Variants in MAGI2 observed in about 807,000 individuals in gnomAD.
MAGI2 encodes membrane-associated guanylate kinase, WW and PDZ domain-containing protein 2.
A neutral mutation model predicts 133.3 loss-of-function variants in MAGI2; 35 were observed. That is an observed-to-expected ratio of 0.26 (90% CI 0.20 to 0.35). The LOEUF is 0.35. Among genes scored for constraint, MAGI2 ranks in the 10% least tolerant of loss-of-function variants. The pLI is 1.00. For synonymous variants in MAGI2, 729 were observed against 710.6 expected, an observed-to-expected ratio of 1.03 and a Z score of -0.41; for missense variants, 1,636 against 1,863.4, an observed-to-expected ratio of 0.88 and a Z score of 2.25.
At chr7:78,739,707 G>A (rs1269384368) in intron 2 of MAGI2, among the ~76,000 whole-genome samples, 6 of 152,132 alleles carry the variant, frequency 3.9e-5, no homozygotes, top group Non-Finnish European at 7.3e-5. Context: ...CCTCGTGAAA[G>A]CAATTTCTTA....
chr7:78,364,462 A>G (rs1322009723), intron 7 of MAGI2, among the ~76,000 whole-genome samples: 1 of 152,226 alleles, frequency 6.6e-6, no homozygotes, highest in African/African-American at 2.4e-5. Flanking sequence ...CATTCAAGAT[A>G]TTATGCAGTA....
rs550547664 is a variant in MAGI2, at chr7:78,053,338, T to C, written c.3706+25609A>G. Among the ~76,000 whole-genome samples the C allele has an allele frequency of 1.4e-4, 22 of 152,316 alleles. No homozygotes were observed. In the East Asian group the frequency reaches 4.2e-3, roughly 29 times the overall value. ...GTCAGATGTGTAGGTGAGGAGACCC[T>C]TAATATAGAAGCTGTCCCAGGACTG... On this transcript the variant is annotated intron_variant, in intron 21 of 21. Transcript: ENST00000354212.
chr7:78,242,272 G>T (rs1317042686), intron 10 of MAGI2, among the ~76,000 whole-genome samples: 2 of 152,168 alleles, frequency 1.3e-5, no homozygotes, highest in Non-Finnish European at 2.9e-5. Context: ...GTTAGAGAGA[G>T]GACCCAGAGA....
chr7:78,155,126 TAA>T (rs747817135), intron 16 of MAGI2, among the ~76,000 whole-genome samples: 2 of 152,254 alleles, frequency 1.3e-5, no homozygotes, highest in Non-Finnish European at 2.9e-5. Context: ...ATTTTGCATA[TAA>T]GTCTTTGTTC....
chr7:79,400,502 A>T lies in MAGI2; in HGVS notation c.301+52518T>A, dbSNP rs112199030. Among the ~76,000 whole-genome samples, 2 of 152,300 alleles carry T rather than the reference A, an allele frequency of 1.3e-5. 1 individual carries two copies. Among genetic ancestry groups the T allele is most frequent in the Admixed American group, 1.3e-4 (2 of 15,312 alleles). On this transcript the variant is annotated intron_variant, in intron 1 of 21. Coordinates refer to ENST00000354212, the MANE Select transcript of MAGI2 (RefSeq NM_012301.4). The stretch of plus-strand genomic sequence containing the variant: ...AGTTAACATATACTCCAAGGAATAG[A>T]TGTACAGAACAGCAGCATAATAAAA...
At chr7:78,115,542 TATA>T (rs1214845492) in intron 20 of MAGI2, among the ~76,000 whole-genome samples, 7 of 152,166 alleles carry the variant, frequency 4.6e-5, no homozygotes, top group Non-Finnish European at 1.0e-4. Context: ...CTAGCATGCT[TATA>T]ATAATATCAG....
intron 9 of MAGI2, among the ~76,000 whole-genome samples, chr7:78,296,258 C>T (rs1584767328): frequency 6.6e-6 from 1 of 152,188 alleles, no homozygotes; most frequent in Non-Finnish European, 1.5e-5. Context: ...TGAGGTCCTA[C>T]ATAAACAGAG....
At chr7:78,616,360 C>T (rs1037206693) in intron 3 of MAGI2, 2 of 151,782 alleles carry the variant, frequency 1.3e-5, no homozygotes, top group African/African-American at 4.8e-5. Flanking sequence ...AAAAAGAGAA[C>T]ATGAAAAAAG....
At chr7:78,796,429 A>C (rs915585019) in intron 2 of MAGI2, among the ~76,000 whole-genome samples, 3 of 152,144 alleles carry the variant, frequency 2.0e-5, no homozygotes, top group African/African-American at 7.2e-5. Context: ...CAAAACCACA[A>C]TGGGATATCA....
chr7:78,412,819 A>G (rs2151381251), intron 6 of MAGI2, among the ~76,000 whole-genome samples: 2 of 152,182 alleles, frequency 1.3e-5, no homozygotes. Context: ...AAGACCTCCT[A>G]TTTGGAGAAA....
intron 1 of MAGI2, among the ~76,000 whole-genome samples, chr7:79,169,162 G>C (rs1825275260): frequency 6.6e-6 from 1 of 151,854 alleles, no homozygotes; most frequent in South Asian, 2.1e-4. Flanking sequence ...CCCTTTGCAA[G>C]CTCCTTTGCT....
intron 1 of MAGI2, among the ~76,000 whole-genome samples, chr7:79,170,835 C>T (rs931286343): frequency 6.6e-6 from 1 of 151,974 alleles, no homozygotes; most frequent in African/African-American, 2.4e-5. Flanking sequence ...AAATAAAACT[C>T]ATGGAAAGAA....
chr7:78,615,262 A>G lies in MAGI2; in HGVS notation c.538+11858T>C, dbSNP rs116414942. 2.6e-3 allele frequency: 389 copies of G among 152,252 alleles called. 1 individual carries two copies. Among genetic ancestry groups the G allele is most frequent in the African/African-American group, 8.8e-3 (364 of 41,534 alleles). 9.4% of individuals were successfully genotyped at this position (152,252 alleles called of 1,614,324 possible). On this transcript the variant is annotated intron_variant, in intron 3 of 21. Transcript: ENST00000354212. Reference sequence around the variant, plus strand: ...AGAAGGGAGAAGTTAAAATTATCTAACCTGTATACACTCTTTGAAAATTAG... The same window carrying G: ...AGAAGGGAGAAGTTAAAATTATCTAGCCTGTATACACTCTTTGAAAATTAG...
intron 9 of MAGI2, among the ~76,000 whole-genome samples, chr7:78,261,259 C>CACAACTT (rs1793490958): frequency 6.6e-6 from 1 of 152,152 alleles, no homozygotes; most frequent in African/African-American, 2.4e-5. Flanking sequence ...CTTTACTACT[C>CACAACTT]ACAACTTACA....
At chr7:78,484,316 G>T (rs1435852423) in intron 6 of MAGI2, 1 of 151,874 alleles carries the variant, frequency 6.6e-6, no homozygotes, top group Non-Finnish European at 1.5e-5. Context: ...GCACATTTTG[G>T]ACACTTTTTT....
chr7:78,279,148 C>T (rs76069959), intron 9 of MAGI2, among the ~76,000 whole-genome samples: 3,217 of 152,102 alleles, frequency 0.021, 104 homozygotes, highest in African/African-American at 0.074. Flanking sequence ...GCACAAACAC[C>T]GAATGGGATC....
In MAGI2 at chr7:78,255,777, AAAAC is replaced by A; in HGVS notation, c.2047+162_2047+165del. The A allele has an allele frequency of 4.1e-6, 3 of 732,778 alleles. No individual in the cohort carries two copies. The South Asian group carries it at 4.9e-5, about 12-fold the overall frequency. 45.4% of individuals were successfully genotyped at this position (732,778 alleles called of 1,614,324 possible). A position where few individuals can be genotyped will look rare whatever the true frequency, so the allele number is the denominator to read the frequency against. The stretch of plus-strand genomic sequence containing the variant: ...TAGAAAAAGACATATTCTGAATTCA[AAAAC>A]AAAGTTTCCTTTAATTCATGTTTTT... On this transcript the variant is annotated intron_variant, in intron 10 of 21. Transcript: ENST00000354212.
chr7:78,075,311 G>T (rs966314152), intron 21 of MAGI2, among the ~76,000 whole-genome samples: 1 of 151,970 alleles, frequency 6.6e-6, no homozygotes, highest in Admixed American at 6.6e-5. Flanking sequence ...GATTCCTCCA[G>T]ACCCCGCCTG....
intron 9 of MAGI2, among the ~76,000 whole-genome samples, chr7:78,318,750 C>G (rs535320140): frequency 2.8e-4 from 42 of 152,236 alleles, no homozygotes; most frequent in African/African-American, 9.4e-4. Context: ...AAAGGAAGCC[C>G]ATCAGACTAA....
Sources: allele counts gnomAD v4.1 joint callset (sites outside exome capture counted in the v4.1 genomes callset), GRCh38; gene constraint gnomAD v4.1.1; transcripts MANE v1.5; gene names NCBI Gene and HGNC (gene_info 2026-07-23, HGNC 2026-07-21).